The following PEAK1 variants were observed in gnomAD, a reference collection of about 807,000 sequenced individuals.
PEAK1 encodes the protein pseudopodium enriched atypical kinase 1.
In PEAK1, 54 loss-of-function variants were observed where a neutral mutation model predicts 124.7. The ratio of observed to expected loss-of-function variants is 0.43; its 90% CI spans 0.35 to 0.54. The LOEUF is 0.54. Among genes scored for constraint, PEAK1 ranks in the 20% least tolerant of loss-of-function variants. The probability of loss-of-function intolerance (pLI) is 0.01; values close to 1 mark genes in which losing one functional copy is unlikely to be tolerated. For synonymous variants in PEAK1, 719 were observed against 760.0 expected (o/e 0.95, Z 0.89); for missense variants, 2,046 against 2,134.5 (o/e 0.96, Z 0.82).
At chr15:77,148,441 CCT>C (rs2054329106) in intron 8 of PEAK1, among the ~76,000 whole-genome samples, 2 of 152,142 alleles carry the variant, frequency 1.3e-5, no homozygotes, top group Non-Finnish European at 2.9e-5. Context: ...TCCTCTGTTC[CCT>C]GTTAGCTACC....
intron 1 of PEAK1, among the ~76,000 whole-genome samples, chr15:77,387,199 T>C (rs2070026842): frequency 6.6e-6 from 1 of 152,190 alleles, no homozygotes; most frequent in South Asian, 2.1e-4. Context: ...AAACACTTGC[T>C]CCCTTAAATT....
intron 7 of PEAK1, among the ~76,000 whole-genome samples, chr15:77,168,733 T>C (rs542378640): frequency 5.0e-4 from 76 of 152,254 alleles, no homozygotes; most frequent in African/African-American, 8.9e-4. Flanking sequence ...TAAAGGAAGG[T>C]TGATACAGAT....
chr15:77,419,434 G>C (rs2073175193), intron 1 of PEAK1: 2 of 985,186 alleles, frequency 2.0e-6, no homozygotes, highest in African/African-American at 1.7e-5. Flanking sequence ...ACCCCCAAAC[G>C]ACCCCGCCAG....
chr15:77,158,620 C>T lies in PEAK1; in HGVS notation c.3214G>A (p.Gly1072Ser). ...AATGCTGTTGTGACTGAAGTGCAGC[C>T]CCTGCCATCTTGCTTCCCAACAACA... ...RTVVGKQDGR[G>S]CTSVTTALSL... The change falls in exon 8 of 10, where the codon GGC (glycine) becomes AGC (serine). Residue 1072 changes from glycine (G) to serine (S), a missense_variant. Transcript: ENST00000682557. 1 of 1,614,068 alleles carries T rather than the reference C, an allele frequency of 6.2e-7. No homozygotes were observed. The highest frequency in any genetic ancestry group is 1.3e-5 in the African/African-American group (1 of 75,044).
At chr15:77,201,362 C>T (rs1296584065) in intron 6 of PEAK1, among the ~76,000 whole-genome samples, 4 of 151,646 alleles carry the variant, frequency 2.6e-5, no homozygotes, top group East Asian at 1.9e-4. Context: ...CTCCGCCTCC[C>T]GAGTACCTGG....
chr15:77,316,865 G>A (rs1217357310), intron 2 of PEAK1, among the ~76,000 whole-genome samples: 1 of 152,098 alleles, frequency 6.6e-6, no homozygotes, highest in African/African-American at 2.4e-5. Flanking sequence ...AAAACCTGAG[G>A]CCGAGAGTTT....
At chr15:77,265,072 A>T (rs1302783691) in intron 5 of PEAK1, among the ~76,000 whole-genome samples, 2 of 152,200 alleles carry the variant, frequency 1.3e-5, no homozygotes, top group Non-Finnish European at 2.9e-5. Flanking sequence ...CTGAAACTGG[A>T]TCCCTTCCTT....
chr15:77,124,970 C>G (rs2052248147), intron 9 of PEAK1, among the ~76,000 whole-genome samples: 1 of 152,220 alleles, frequency 6.6e-6, no homozygotes. Flanking sequence ...GCATACCACT[C>G]TGAACTTTCA....
intron 1 of PEAK1, among the ~76,000 whole-genome samples, chr15:77,379,771 G>A (rs962709297): frequency 1.2e-4 from 18 of 152,068 alleles, no homozygotes; most frequent in Non-Finnish European, 1.8e-4. Flanking sequence ...AAACTTTTCC[G>A]TTTACAGCAG....
At chr15:77,190,256 T>C (rs2057767674) in intron 6 of PEAK1, among the ~76,000 whole-genome samples, 1 of 152,240 alleles carries the variant, frequency 6.6e-6, no homozygotes, top group African/African-American at 2.4e-5. Context: ...AATGAAAGTC[T>C]GAATTACACA....
chr15:77,388,229 T>A (rs1567339417), intron 1 of PEAK1, among the ~76,000 whole-genome samples: 1 of 152,108 alleles, frequency 6.6e-6, no homozygotes, highest in Non-Finnish European at 1.5e-5. Context: ...TATATGCAAC[T>A]GGATCACGCG....
intron 6 of PEAK1, among the ~76,000 whole-genome samples, chr15:77,211,199 A>C (rs1024708129): frequency 6.6e-6 from 1 of 152,186 alleles, no homozygotes; most frequent in Admixed American, 6.5e-5. Flanking sequence ...AAGTACTTAA[A>C]ATTGGCCCAT....
In PEAK1 at chr15:77,128,892, G is replaced by A. The variant is rs565064935; in HGVS notation, c.4077+4113C>T. Among the ~76,000 whole-genome samples the A allele has an allele frequency of 1.1e-4, 16 of 152,264 alleles. No individual in the cohort carries two copies. The South Asian group carries it at 3.1e-3, about 30-fold the overall frequency. On this transcript the variant is annotated intron_variant, in intron 9 of 9. Transcript: ENST00000682557. ...CATAAATAAGACTTTTGGAGCTGTT[G>A]GAATGTGTTTTGCATGCTATAAGGA...
At chr15:77,210,736 C>A (rs768643139) in intron 6 of PEAK1, among the ~76,000 whole-genome samples, 2 of 152,168 alleles carry the variant, frequency 1.3e-5, no homozygotes, top group African/African-American at 4.8e-5. Flanking sequence ...AAAAATCAGC[C>A]AGGTATGGTG....
At chr15:77,194,674 G>C (rs184016142) in intron 6 of PEAK1, among the ~76,000 whole-genome samples, 2 of 152,168 alleles carry the variant, frequency 1.3e-5, no homozygotes, top group East Asian at 3.9e-4. Flanking sequence ...ATCTTATTCA[G>C]TCTTGGCACT....
chr15:77,153,612 G>A lies in PEAK1; in HGVS notation c.3331+4891C>T, dbSNP rs1173182290. Among the ~76,000 whole-genome samples the A allele has an allele frequency of 4.6e-5, 7 of 152,222 alleles. No individual in the cohort carries two copies. The East Asian group carries it at 1.4e-3, about 29-fold the overall frequency. ...TTTTAGATCTTTCCTGCTTTCTCTT[G>A]TGGGCATTTAGTGCTATAAATTTCC... On this transcript the variant is annotated intron_variant, in intron 8 of 9. Transcript: ENST00000682557.
intron 2 of PEAK1, among the ~76,000 whole-genome samples, chr15:77,357,081 A>G (rs548541299): frequency 6.6e-6 from 1 of 152,284 alleles, no homozygotes; most frequent in African/African-American, 2.4e-5. Context: ...AGCCTTGACA[A>G]CGTAAGAGGA....
chr15:77,389,128 A>T (rs1459911432), intron 1 of PEAK1, among the ~76,000 whole-genome samples: 2 of 151,780 alleles, frequency 1.3e-5, no homozygotes, highest in African/African-American at 4.8e-5. Context: ...TAATTTTTAA[A>T]TTTTTTGTAG....
rs1295369616 is a variant in PEAK1, at chr15:77,110,505, G to A, written c.*3651C>T. On this transcript the variant is annotated 3_prime_UTR_variant, in exon 10 of 10. Transcript: ENST00000682557. ...GATCTCTTGGCTTAGACTTTCCCATGTTTACAAACTTATTCTGAGTTTGGA... is the reference window on the plus strand; with the variant it reads ...GATCTCTTGGCTTAGACTTTCCCATATTTACAAACTTATTCTGAGTTTGGA... 1 of 152,160 alleles carries A rather than the reference G, an allele frequency of 6.6e-6. No homozygotes were observed. Among genetic ancestry groups the A allele is most frequent in the African/African-American group, 2.4e-5 (1 of 41,438 alleles). 9.4% of individuals were successfully genotyped at this position (152,160 alleles called of 1,614,324 possible).
Sources: allele counts gnomAD v4.1 joint callset (sites outside exome capture counted in the v4.1 genomes callset), GRCh38; gene constraint gnomAD v4.1.1; transcripts MANE v1.5; gene names NCBI Gene and HGNC (gene_info 2026-07-23, HGNC 2026-07-21).